Variants in FANCA observed in about 807,000 individuals in gnomAD.
The protein encoded by FANCA is Fanconi anemia group A protein.
FANCA carries 236 observed loss-of-function variants against 194.3 expected under a neutral mutation model. The ratio of observed to expected loss-of-function variants is 1.21; its 90% confidence interval spans 1.09 to 1.35. FANCA has a LOEUF of 1.35. Among genes scored for constraint, FANCA ranks in the 40% most tolerant of loss-of-function variants. The pLI is 0.00. For missense variants in FANCA, 2,628 were observed against 1,813.9 expected (o/e 1.45, Z -8.15); for synonymous variants, 1,014 against 715.8 (o/e 1.42, Z -6.65).
intron 27 of FANCA, among the ~76,000 whole-genome samples, chr16:89,766,183 G>C (rs2039121338): frequency 6.6e-6 from 1 of 151,470 alleles, no homozygotes; most frequent in African/African-American, 2.4e-5. Context: ...TTTTAGTAGA[G>C]ACCAGGTTTC....
chr16:89,742,744 C>T (rs1404300389), intron 37 of FANCA, 56 bp downstream of exon 37: 68 of 1,574,400 alleles, frequency 4.3e-5, no homozygotes, highest in Non-Finnish European at 5.7e-5. Context: ...AGAAATAGCA[C>T]TGATTGAAAC....
chr16:89,812,691 C>A (rs1445497079), intron 3 of FANCA, among the ~76,000 whole-genome samples: 2 of 142,288 alleles, frequency 1.4e-5, no homozygotes, highest in Non-Finnish European at 3.2e-5. Context: ...CAGTACGAAC[C>A]TGTTATTGTA....
At chr16:89,765,744 C>T (rs1215400087) in intron 27 of FANCA, among the ~76,000 whole-genome samples, 5 of 152,246 alleles carry the variant, frequency 3.3e-5, no homozygotes, top group Non-Finnish European at 5.9e-5. Flanking sequence ...CAAGGACTGT[C>T]GTCCCTGCTC....
rs2039259627 is a variant in FANCA, at chr16:89,769,823, G to A, written c.2504+14C>T. 3 of 1,613,864 alleles carry A rather than the reference G, an allele frequency of 1.9e-6. No homozygotes were observed. Among genetic ancestry groups the A allele is most frequent in the East Asian group, 2.2e-5 (1 of 44,862 alleles). On this transcript the variant is annotated intron_variant, in intron 26 of 42. Transcript: ENST00000389301. ...AGAGAGGAGAGAAGACGCGACTGTGGAAGAAGAGCTCACTTCAGGCAGAAG... is the reference window on the plus strand; with the variant it reads ...AGAGAGGAGAGAAGACGCGACTGTGAAAGAAGAGCTCACTTCAGGCAGAAG...
intron 11 of FANCA, among the ~76,000 whole-genome samples, chr16:89,794,592 G>A (rs1008217483): frequency 2.0e-5 from 3 of 152,028 alleles, no homozygotes; most frequent in Admixed American, 2.0e-4. Flanking sequence ...AATCATGGTG[G>A]GGATGCTGTT....
intron 28 of FANCA, 23 bp downstream of exon 28, chr16:89,764,867 C>T (rs2039071904): frequency 1.9e-6 from 3 of 1,611,166 alleles, no homozygotes; most frequent in Non-Finnish European, 2.5e-6. Flanking sequence ...TGGCATGATG[C>T]AGGAGAAGGA....
At position 89,784,860 on chromosome 16, in the gene FANCA, G is replaced by T; in HGVS notation, c.1464C>A (p.Tyr488Ter). Reference sequence around the variant, plus strand: ...GTGGCAGCCAGCTTCTCACCTGCAGGTACCGGGGAGACTCAAAAGGCACGA... The same window carrying T: ...GTGGCAGCCAGCTTCTCACCTGCAGTTACCGGGGAGACTCAAAAGGCACGA... ...SELVPFESPRYLQVHILHPPL... is the reference protein window; with the variant it reads ...SELVPFESPR Residue 488 changes from tyrosine (Y) to a stop codon, truncating the protein, a stop_gained, in exon 15 of 43, where the codon TAC becomes TAA. Coordinates refer to ENST00000389301, the MANE Select transcript of FANCA (RefSeq NM_000135.4). LOFTEE classifies it high-confidence loss of function. 1 of 1,610,810 alleles carries T rather than the reference G, an allele frequency of 6.2e-7. No individual in the cohort carries two copies. Among genetic ancestry groups the T allele is most frequent in the East Asian group, 2.2e-5 (1 of 44,882 alleles).
intron 36 of FANCA, among the ~76,000 whole-genome samples, chr16:89,743,467 G>A (rs1190117109): frequency 6.6e-6 from 1 of 152,220 alleles, no homozygotes; most frequent in Non-Finnish European, 1.5e-5. Context: ...CACTTCAGGA[G>A]GATCGCTTAA....
rs749345470 is a variant in FANCA, at chr16:89,742,653, CAAAAAAAAAAA to C, written c.3765+136_3765+146del. On this transcript the variant is annotated intron_variant, in intron 37 of 42. Coordinates refer to ENST00000389301, the MANE Select transcript of FANCA (RefSeq NM_000135.4). ...TGAAACCCCGTCTCTACTAAAAATA[CAAAAAAAAAAA>C]AAAAAAAAAAAAGTCTTGCTCCAAG... 19 of 310,760 alleles carry C rather than the reference CAAAAAAAAAAA, an allele frequency of 6.1e-5. 1 individual carries two copies. The highest frequency in any genetic ancestry group is 2.0e-4 in the East Asian group (2 of 9,834). 19.3% of individuals were successfully genotyped at this position (310,760 alleles called of 1,614,324 possible). A position where few individuals can be genotyped will look rare whatever the true frequency, so the allele number is the denominator to read the frequency against.
intron 12 of FANCA, 83 bp downstream of exon 12, chr16:89,792,388 G>C (rs1003764823): frequency 7.0e-7 from 1 of 1,425,870 alleles, no homozygotes; most frequent in East Asian, 2.3e-5. Context: ...TGCCGTCCAC[G>C]GCAGGCAGCA....
At chr16:89,762,552 G>C (rs1598097804) in intron 28 of FANCA, 1 of 192,400 alleles carries the variant, frequency 5.2e-6, no homozygotes, top group Non-Finnish European at 1.0e-5. Context: ...AACAGAGTGA[G>C]AACTATCTAT....
At chr16:89,772,209 G>A (rs1407150263) in intron 22 of FANCA, among the ~76,000 whole-genome samples, 1 of 152,196 alleles carries the variant, frequency 6.6e-6, no homozygotes, top group Non-Finnish European at 1.5e-5. Context: ...ATTTAAAGGT[G>A]AAAACCGCTT....
At position 89,816,544 on chromosome 16, in the gene FANCA, C is replaced by G. The variant is rs1415989135; in HGVS notation, c.72G>C (p.Glu24Asp). 6.7e-7 allele frequency: 1 copy of G among 1,499,560 alleles called. No homozygotes were observed. Among genetic ancestry groups the G allele is most frequent in the African/African-American group, 1.5e-5 (1 of 68,876 alleles). 92.9% of individuals were successfully genotyped at this position (1,499,560 alleles called of 1,614,324 possible). A position where few individuals can be genotyped will look rare whatever the true frequency, so the allele number is the denominator to read the frequency against. ...DPGGRRRAWA[E>D]LLAGRVKREK... ...CCTGCCGCGCCCACCTACCCAGCAG[C>G]TCGGCCCAGGCCCTCCGGCGGCCCC... The change falls in exon 1 of 43, where the codon GAG (glutamate) becomes GAC (aspartate). Residue 24 changes from glutamate to aspartate, a missense_variant. Transcript: ENST00000389301.
chr16:89,764,743 G>A lies in FANCA; in HGVS notation c.2778+147C>T. On this transcript the variant is annotated intron_variant, in intron 28 of 42. Transcript: ENST00000389301. ...ACCCTAGACTCGAGACGAGGAGACA[G>A]TCGGCACACACACACCCTAGACTCG... 5.2e-6 allele frequency: 5 copies of A among 965,126 alleles called. No individual in the cohort carries two copies. In the East Asian group the frequency reaches 9.7e-5, roughly 19 times the overall value. 59.8% of individuals were successfully genotyped at this position (965,126 alleles called of 1,614,324 possible). A position where few individuals can be genotyped will look rare whatever the true frequency, so the allele number is the denominator to read the frequency against.
In FANCA at chr16:89,741,135, G is replaced by A. The variant is rs11639788; in HGVS notation, c.3766-269C>T. On this transcript the variant is annotated intron_variant, in intron 37 of 42. Transcript: ENST00000389301. ...AGAGCCAGAAAGAGAAGACTGCTGC[G>A]GTCTCCTTGGCTGTGCGCAGTCCCA... Among the ~76,000 whole-genome samples the A allele has an allele frequency of 0.06, 9,067 of 152,208 alleles. 420 individuals are homozygous for A. Among genetic ancestry groups the A allele is most frequent in the East Asian group, 0.22 (1,125 of 5,170 alleles).
In FANCA at chr16:89,749,911, G is replaced by C. The variant is rs1271317902; in HGVS notation, c.3067-9C>G. The stretch of plus-strand genomic sequence containing the variant: ...AGGTCAGCTACCATCTCCTGAAAAA[G>C]AGCAGTATGCTGGCACAGGAAGGCC... On this transcript the variant is annotated splice_polypyrimidine_tract_variant and intron_variant, in intron 31 of 42. Transcript: ENST00000389301. 1 of 1,613,934 alleles carries C rather than the reference G, an allele frequency of 6.2e-7. No homozygotes were observed. The highest frequency in any genetic ancestry group is 8.5e-7 in the Non-Finnish European group (1 of 1,180,022).
In FANCA at chr16:89,738,601, T is replaced by A. The variant is rs752576350; in HGVS notation, c.4368A>T (p.Ter1456CysextTer13). The A allele has an allele frequency of 6.2e-7, 1 of 1,612,902 alleles. No homozygotes were observed. Among genetic ancestry groups the A allele is most frequent in the Non-Finnish European group, 8.5e-7 (1 of 1,180,000 alleles). ...GGCTGGTGTGCAGTGGCAGGTCCCG[T>A]CAGAAGAGATGAGGCTCCTGGGACA... is the stretch of plus-strand genomic sequence containing the variant. The part of the protein sequence containing the change: ...ADLSQEPHLF[*>C] Residue 1456 changes from the stop codon to cysteine, a stop_lost, in exon 43 of 43, where the codon TGA (stop) becomes TGT (cysteine). Coordinates refer to ENST00000389301, the MANE Select transcript of FANCA (RefSeq NM_000135.4).
At chr16:89,753,275 G>C (rs1052059136) in intron 30 of FANCA, among the ~76,000 whole-genome samples, 8 of 152,112 alleles carry the variant, frequency 5.3e-5, no homozygotes, top group African/African-American at 1.4e-4. Context: ...CTTCTGCCTT[G>C]TATCCAATAA....
At chr16:89,815,335 CTTTTTTTTTTTTT>C (rs562815235) in intron 2 of FANCA, among the ~76,000 whole-genome samples, 32 of 66,538 alleles carry the variant, frequency 4.8e-4, no homozygotes, top group African/African-American at 1.2e-3. Flanking sequence ...CCACGCCCGG[CTTTTTTTTTTTTT>C]TTTTTTTTTT....
Sources: gnomAD v4.1 joint callset for allele counts (sites outside exome capture counted in the v4.1 genomes callset) on GRCh38, gnomAD v4.1.1 for gene constraint, MANE v1.5 for transcripts, NCBI Gene and HGNC (gene_info 2026-07-23, HGNC 2026-07-21) for gene names.